The following CNOT4 variants were observed in gnomAD, a reference collection of about 807,000 sequenced individuals.
CNOT4 encodes the protein CCR4-NOT transcription complex subunit 4.
Under a neutral mutation model 73.8 loss-of-function variants are expected in CNOT4, and 8 were observed. The observed-to-expected ratio is 0.11, with a 90% CI of 0.06 to 0.20. The LOEUF is 0.20. Ranked by LOEUF, CNOT4 falls within the 10% of genes least tolerant of loss-of-function variation. CNOT4 has a pLI of 1.00. For synonymous variants in CNOT4, 293 were observed against 321.1 expected, an observed-to-expected ratio of 0.91 and a Z score of 0.94; for missense variants, 564 against 883.4, an observed-to-expected ratio of 0.64 and a Z score of 4.58.
At position 135,438,232 on chromosome 7, in the gene CNOT4, C is replaced by T; in HGVS notation, c.100G>A (p.Gly34Ser). ...CAACAAAATCGGCAAATCTGGTAGCCACAGGTGCAAGGGAAAAAGTTGATA... is the reference window on the plus strand; with the variant it reads ...CAACAAAATCGGCAAATCTGGTAGCTACAGGTGCAAGGGAAAAAGTTGATA... ...DDINFFPCTC[G>S]YQICRFCWHR... The change falls in exon 2 of 12, where the codon GGC becomes AGC. Residue 34 changes from glycine to serine, a missense_variant. Physicochemically the swap from Gly to Ser is moderately conservative, Grantham distance 56. Transcript: ENST00000541284. 1.2e-6 allele frequency: 2 copies of T among 1,612,898 alleles called. No homozygotes were observed. Among genetic ancestry groups the T allele is most frequent in the Non-Finnish European group, 1.7e-6 (2 of 1,178,980 alleles).
intron 5 of CNOT4, 101 bp downstream of exon 5, chr7:135,414,230 A>T: frequency 1.7e-6 from 1 of 582,544 alleles, no homozygotes; most frequent in Admixed American, 2.8e-5. Flanking sequence ...CTTCAAATTA[A>T]CTGTCAAATT....
chr7:135,509,115 AC>A (rs1804563938), intron 1 of CNOT4: 1 of 152,222 alleles, frequency 6.6e-6, no homozygotes, highest in Non-Finnish European at 1.5e-5. Flanking sequence ...TTCAAGGGCC[AC>A]CACGGGGCTT....
At chr7:135,405,162 A>T (rs1201317536) in intron 7 of CNOT4, among the ~76,000 whole-genome samples, 7 of 152,262 alleles carry the variant, frequency 4.6e-5, no homozygotes, top group African/African-American at 1.7e-4. Context: ...AAACTCTCTG[A>T]GACTTAAGTT....
Position 135,510,054 on chromosome 7 carries a change from G to C in CNOT4, c.-258C>G, listed in dbSNP as rs963001652. On this transcript the variant is annotated 5_prime_UTR_variant, in exon 1 of 12. Coordinates refer to ENST00000541284, the MANE Select transcript of CNOT4 (RefSeq NM_001190850.2). ...GAGAGAGACTCTCAGCTTTCGGTGG[G>C]TTCCACAGCCAGACGGGCCACCATC... The C allele has an allele frequency of 1.4e-4, 55 of 399,038 alleles. No individual in the cohort carries two copies. Among genetic ancestry groups the C allele is most frequent in the Non-Finnish European group, 2.1e-4 (47 of 226,176 alleles). The allele number at this position is 399,038 out of a possible 1,614,324, so 24.7% of individuals were successfully genotyped here. A position where few individuals can be genotyped will look rare whatever the true frequency, so the allele number is the denominator to read the frequency against.
At chr7:135,410,093 C>T in intron 7 of CNOT4, among the ~76,000 whole-genome samples, 1 of 152,056 alleles carries the variant, frequency 6.6e-6, no homozygotes, top group East Asian at 1.9e-4. Context: ...ACTAGATATC[C>T]TTGAATATCT....
In CNOT4 at chr7:135,402,185, C is replaced by T. The variant is rs144110346; in HGVS notation, c.822-3959G>A. Among the ~76,000 whole-genome samples the T allele has an allele frequency of 9.9e-3, 1,491 of 151,056 alleles. 11 individuals are homozygous for T. The highest frequency in any genetic ancestry group is 0.034 in the Middle Eastern group (10 of 290). On this transcript the variant is annotated intron_variant, in intron 7 of 11. Transcript: ENST00000541284. Reference sequence around the variant, plus strand: ...AGTGCAGTAGCACTATCTTGGCTCACTGCAACCTCCACATCCCAGATGCAA... The same window carrying T: ...AGTGCAGTAGCACTATCTTGGCTCATTGCAACCTCCACATCCCAGATGCAA...
At chr7:135,461,550 G>C (rs1563064231) in intron 1 of CNOT4, among the ~76,000 whole-genome samples, 2 of 152,084 alleles carry the variant, frequency 1.3e-5, no homozygotes, top group Non-Finnish European at 2.9e-5. Context: ...AACAAGCAGA[G>C]GCCGGGCGCA....
At chr7:135,439,810 T>G (rs1799366948) in intron 1 of CNOT4, among the ~76,000 whole-genome samples, 1 of 152,120 alleles carries the variant, frequency 6.6e-6, no homozygotes, top group East Asian at 1.9e-4. Flanking sequence ...ACTCATGAAT[T>G]TATGAGGTTT....
At chr7:135,470,301 C>T (rs547005426) in intron 1 of CNOT4, among the ~76,000 whole-genome samples, 86 of 151,584 alleles carry the variant, frequency 5.7e-4, no homozygotes, top group Non-Finnish European at 1.1e-3. Flanking sequence ...CCACTAGTTT[C>T]TTAATTTTTT....
At chr7:135,444,241 G>C (rs1466353030) in intron 1 of CNOT4, among the ~76,000 whole-genome samples, 1 of 152,072 alleles carries the variant, frequency 6.6e-6, no homozygotes, top group Non-Finnish European at 1.5e-5. Flanking sequence ...CTTAGAATTA[G>C]TGTATGACCC....
At chr7:135,453,847 T>TATATA (rs1554438701) in intron 1 of CNOT4, among the ~76,000 whole-genome samples, 22 of 119,298 alleles carry the variant, frequency 1.8e-4, no homozygotes, top group Admixed American at 5.4e-4. Flanking sequence ...TATATATATA[T>TATATA]TATATATATA....
At chr7:135,455,505 G>A (rs1800469834) in intron 1 of CNOT4, among the ~76,000 whole-genome samples, 1 of 151,730 alleles carries the variant, frequency 6.6e-6, no homozygotes, top group Non-Finnish European at 1.5e-5. Flanking sequence ...AATTTATTTT[G>A]CAACAAAAGT....
chr7:135,507,075 T>C (rs899380374), intron 1 of CNOT4, among the ~76,000 whole-genome samples: 1 of 152,162 alleles, frequency 6.6e-6, no homozygotes, highest in African/African-American at 2.4e-5. Flanking sequence ...AAGACTCCCC[T>C]AAAGCTAGGA....
intron 7 of CNOT4, among the ~76,000 whole-genome samples, chr7:135,408,554 G>A (rs531292776): frequency 1.3e-5 from 2 of 152,062 alleles, no homozygotes; most frequent in Non-Finnish European, 2.9e-5. Flanking sequence ...TACTTACTGG[G>A]GTTCAGGGTT....
intron 10 of CNOT4, among the ~76,000 whole-genome samples, chr7:135,375,797 C>T (rs1186158901): frequency 1.3e-5 from 2 of 151,964 alleles, no homozygotes; most frequent in Admixed American, 6.6e-5. Context: ...TGGTGGTGGG[C>T]GCCTGTAATT....
chr7:135,495,692 AAGAAAGAAAGAAAGAAAG>A (rs1803489263), intron 1 of CNOT4, among the ~76,000 whole-genome samples: 1 of 14,012 alleles, frequency 7.1e-5, no homozygotes, highest in Non-Finnish European at 1.5e-4. Flanking sequence ...AAAAAAAAAA[AAGAAAGAAAGAAAGAAAG>A]AAAGAAAGAA....
chr7:135,377,277 A>T (rs1469473170), intron 10 of CNOT4, among the ~76,000 whole-genome samples: 1 of 152,220 alleles, frequency 6.6e-6, no homozygotes, highest in Non-Finnish European at 1.5e-5. Context: ...CTTTCTAAAA[A>T]TGACCCTGAA....
chr7:135,489,643 G>A (rs551901674), intron 1 of CNOT4, among the ~76,000 whole-genome samples: 3 of 151,974 alleles, frequency 2.0e-5, no homozygotes, highest in South Asian at 2.1e-4. Context: ...TGATCTGCCC[G>A]CCTTAACCTC....
At position 135,410,504 on chromosome 7, in the gene CNOT4, T is replaced by C; in HGVS notation, c.821+11A>G. The C allele has an allele frequency of 6.8e-7, 1 of 1,477,190 alleles. No homozygotes were observed. Among genetic ancestry groups the C allele is most frequent in the Non-Finnish European group, 9.1e-7 (1 of 1,100,066 alleles). 91.5% of individuals were successfully genotyped at this position (1,477,190 alleles called of 1,614,324 possible). ...AAGGTAAGATGTCTGACTATCAATATCAATACTTACGTATCGTACCTCTGC... is the reference window on the plus strand; with the variant it reads ...AAGGTAAGATGTCTGACTATCAATACCAATACTTACGTATCGTACCTCTGC... On this transcript the variant is annotated intron_variant, in intron 7 of 11. Transcript: ENST00000541284.
Sources: gnomAD v4.1 joint callset for allele counts (sites outside exome capture counted in the v4.1 genomes callset) on GRCh38, gnomAD v4.1.1 for gene constraint, MANE v1.5 for transcripts, NCBI Gene and HGNC (gene_info 2026-07-23, HGNC 2026-07-21) for gene names.